SIM2: variants seen among roughly 807,000 people sequenced by gnomAD.
The protein encoded by SIM2 is SIM bHLH transcription factor 2, also known as single-minded homolog 2.
A neutral mutation model predicts 64.8 loss-of-function variants in SIM2; 28 were observed. The ratio of observed to expected loss-of-function variants is 0.43; its 90% confidence interval spans 0.32 to 0.59. The LOEUF (loss-of-function observed/expected upper bound fraction) is 0.59. SIM2 is among the 20% of genes least tolerant of loss of function. The probability of loss-of-function intolerance (pLI) is 0.07; values close to 1 mark genes in which losing one functional copy is unlikely to be tolerated. For synonymous variants in SIM2, 408 were observed against 391.1 expected (o/e 1.04, Z -0.51); for missense variants, 847 against 871.4 (o/e 0.97, Z 0.35).
At chr21:36,708,945 G>A (rs1044344856) in intron 1 of SIM2, among the ~76,000 whole-genome samples, 1 of 152,196 alleles carries the variant, frequency 6.6e-6, no homozygotes, top group Non-Finnish European at 1.5e-5. Flanking sequence ...CCGGGCTGCC[G>A]GCCGCTGCGG....
At chr21:36,725,005 A>T (rs2088870788) in intron 5 of SIM2, among the ~76,000 whole-genome samples, 1 of 152,212 alleles carries the variant, frequency 6.6e-6, no homozygotes, top group Non-Finnish European at 1.5e-5. Context: ...AAAATCTTGA[A>T]TTATAAATAA....
chr21:36,737,179 T>C (rs1230109727), intron 7 of SIM2, among the ~76,000 whole-genome samples: 1 of 152,206 alleles, frequency 6.6e-6, no homozygotes, highest in East Asian at 1.9e-4. Flanking sequence ...TCCTCCCATC[T>C]TGACCTCCCA....
Position 36,748,257 on chromosome 21 carries a change from G to C in SIM2, c.*165G>C. The C allele has an allele frequency of 3.0e-6, 1 of 336,878 alleles. No homozygotes were observed. The highest frequency in any genetic ancestry group is 4.6e-6 in the Non-Finnish European group (1 of 216,880). 20.9% of individuals were successfully genotyped at this position (336,878 alleles called of 1,614,324 possible). On this transcript the variant is annotated 3_prime_UTR_variant, in exon 11 of 11. Coordinates refer to ENST00000290399, the MANE Select transcript of SIM2 (RefSeq NM_005069.6). ...TTCCACCGCGGAGGCCCCGCGCGCC[G>C]GTGCCGAGGGCCGAGGAGCGCCCGG...
chr21:36,722,990 G>A (rs1325798515), intron 4 of SIM2, 55 bp from the exon 5 acceptor site: 6 of 1,391,476 alleles, frequency 4.3e-6, no homozygotes, highest in African/African-American at 1.4e-5. Context: ...GTTGGAATAA[G>A]GATGGGGGAA....
chr21:36,728,097 G>A (rs926569485), intron 6 of SIM2, among the ~76,000 whole-genome samples: 3 of 152,232 alleles, frequency 2.0e-5, no homozygotes, highest in South Asian at 2.1e-4. Flanking sequence ...GGCGCTGCAG[G>A]GAGAGAAGGC....
At chr21:36,734,830 C>T (rs1461584226) in intron 7 of SIM2, among the ~76,000 whole-genome samples, 3 of 152,202 alleles carry the variant, frequency 2.0e-5, no homozygotes, top group African/African-American at 7.2e-5. Flanking sequence ...ACTCTCCTTC[C>T]CAGGTACAGA....
chr21:36,747,872 TG>T lies in SIM2; in HGVS notation c.1785del (p.Phe597SerfsTer109). On this transcript the variant is annotated frameshift_variant, in exon 11 of 11. Coordinates refer to ENST00000290399, the MANE Select transcript of SIM2 (RefSeq NM_005069.6). LOFTEE classifies it high-confidence loss of function. The surrounding 1 kb of genome is among the most constrained non-coding windows in gnomAD (Gnocchi z 4.5). ...GAGGCCCCGGGCGCGCCGGCGCAGC[TG>T]CCCTTCGTGCTGCTCAACTACCACC... ...TPEAPGAPAQ[L>X]PFVLLNYHRV... 9.5e-7 allele frequency: 1 copy of T among 1,050,136 alleles called. No homozygotes were observed. Among genetic ancestry groups the T allele is most frequent in the Non-Finnish European group, 1.2e-6 (1 of 867,796 alleles). The allele number at this position is 1,050,136 out of a possible 1,614,324, so 65.1% of individuals were successfully genotyped here.
chr21:36,704,351 G>A (rs1177137706), intron 1 of SIM2, among the ~76,000 whole-genome samples: 1 of 152,244 alleles, frequency 6.6e-6, no homozygotes, highest in African/African-American at 2.4e-5. Context: ...AAAAAATGCA[G>A]ATTTATTAAA....
chr21:36,719,953 A>G, intron 4 of SIM2, 24 bp downstream of exon 4: 2 of 1,459,820 alleles, frequency 1.4e-6, no homozygotes, highest in Non-Finnish European at 1.9e-6. Flanking sequence ...AGGGAAAAAA[A>G]AAAACAGACT....
At chr21:36,742,895 C>T (rs898862143) in intron 8 of SIM2, among the ~76,000 whole-genome samples, 1 of 152,136 alleles carries the variant, frequency 6.6e-6, no homozygotes, top group Non-Finnish European at 1.5e-5. Flanking sequence ...GTGAACATGA[C>T]CCTGCTGAGT....
intron 9 of SIM2, 74 bp from the exon 10 acceptor site, chr21:36,744,654 G>A (rs1294790894): frequency 2.0e-6 from 3 of 1,487,310 alleles, no homozygotes; most frequent in African/African-American, 1.4e-5. Flanking sequence ...CCGTCGGGAC[G>A]GTTCTTGCAG....
chr21:36,727,489 G>T (rs1403015115), intron 6 of SIM2, among the ~76,000 whole-genome samples: 2 of 152,316 alleles, frequency 1.3e-5, no homozygotes, highest in Admixed American at 1.3e-4. Flanking sequence ...TGCTAGTCAG[G>T]CCTCTTCCAT....
In SIM2 at chr21:36,745,609, G is replaced by T; in HGVS notation, c.1576+473G>T. The stretch of plus-strand genomic sequence containing the variant: ...TATGGTGGAAATTTGTGGGCTTGGG[G>T]ACAGAAATGCCACTCACCAACCCAG... On this transcript the variant is annotated intron_variant, in intron 10 of 10. Transcript: ENST00000290399. The surrounding 1 kb of genome is among the most constrained non-coding windows in gnomAD (Gnocchi z 4.8). The T allele has an allele frequency of 8.9e-7, 1 of 1,125,984 alleles. No homozygotes were observed. Among genetic ancestry groups the T allele is most frequent in the Non-Finnish European group, 1.1e-6 (1 of 905,238 alleles). 69.7% of individuals were successfully genotyped at this position (1,125,984 alleles called of 1,614,324 possible). A position where few individuals can be genotyped will look rare whatever the true frequency, so the allele number is the denominator to read the frequency against.
intron 3 of SIM2, among the ~76,000 whole-genome samples, chr21:36,713,260 A>T (rs997788454): frequency 1.3e-5 from 2 of 152,174 alleles, no homozygotes; most frequent in Non-Finnish European, 2.9e-5. Context: ...TTCTGGAAAG[A>T]TGGAATCATC....
At chr21:36,736,618 G>A (rs1001136135) in intron 7 of SIM2, among the ~76,000 whole-genome samples, 3 of 152,160 alleles carry the variant, frequency 2.0e-5, no homozygotes, top group Non-Finnish European at 4.4e-5. Flanking sequence ...TCGGACCAGA[G>A]AAGGGGGCAT....
intron 3 of SIM2, among the ~76,000 whole-genome samples, chr21:36,717,375 T>G (rs1326259015): frequency 1.3e-5 from 2 of 152,220 alleles, no homozygotes; most frequent in Non-Finnish European, 2.9e-5. Context: ...TTTCTCTATT[T>G]TGTTATTTTT....
rs1265077886 is a variant in SIM2, at chr21:36,720,281, C to G, written c.457+352C>G. On this transcript the variant is annotated intron_variant, in intron 4 of 10. Coordinates refer to ENST00000290399, the MANE Select transcript of SIM2 (RefSeq NM_005069.6). ...GCTTCTCCTTAACCAAGATGCCGTG[C>G]CTAAAACTCGGGGGTCGGGGGTGGT... 1.8e-5 allele frequency: 4 copies of G among 222,258 alleles called. No individual in the cohort carries two copies. In the East Asian group the frequency reaches 3.6e-4, roughly 20 times the overall value. 13.8% of individuals were successfully genotyped at this position (222,258 alleles called of 1,614,324 possible). A position where few individuals can be genotyped will look rare whatever the true frequency, so the allele number is the denominator to read the frequency against.
At chr21:36,742,526 G>A (rs1392079807) in intron 8 of SIM2, among the ~76,000 whole-genome samples, 2 of 151,918 alleles carry the variant, frequency 1.3e-5, no homozygotes, top group Admixed American at 1.3e-4. Flanking sequence ...CCAAAGTGCT[G>A]GAATTACAGG....
At chr21:36,707,654 C>A (rs77704084) in intron 1 of SIM2, among the ~76,000 whole-genome samples, 6,461 of 151,964 alleles carry the variant, frequency 0.043, 194 homozygotes, top group Middle Eastern at 0.092. Flanking sequence ...AAGCCGCTGC[C>A]CTGGGCCGAG....
Sources: allele counts gnomAD v4.1 joint callset (sites outside exome capture counted in the v4.1 genomes callset), GRCh38; gene constraint gnomAD v4.1.1; non-coding constraint Gnocchi (gnomAD v3.1); transcripts MANE v1.5; gene names NCBI Gene and HGNC (gene_info 2026-07-23, HGNC 2026-07-21).